CNTN3: variants seen among roughly 807,000 people sequenced by gnomAD.
The protein encoded by CNTN3 is contactin 3.
CNTN3 carries 60 observed loss-of-function variants against 119.1 expected under a neutral mutation model. That is an observed-to-expected ratio of 0.50 (90% confidence interval 0.41 to 0.62). The LOEUF is 0.62. Among genes scored for constraint, CNTN3 ranks in the 20% least tolerant of loss-of-function variants. The pLI is 0.00. For missense variants in CNTN3, 1,101 were observed against 1,242.4 expected, an observed-to-expected ratio of 0.89 and a Z score of 1.71; for synonymous variants, 450 against 438.7, an observed-to-expected ratio of 1.03 and a Z score of -0.32.
chr3:74,596,793 C>G (rs764008685), intron 1 of CNTN3, among the ~76,000 whole-genome samples: 2 of 152,058 alleles, frequency 1.3e-5, no homozygotes, highest in Non-Finnish European at 2.9e-5. Flanking sequence ...TAAAAATGTG[C>G]AATGGACTTG....
intron 13 of CNTN3, among the ~76,000 whole-genome samples, chr3:74,314,258 G>T (rs899295472): frequency 2.0e-5 from 3 of 152,066 alleles, no homozygotes; most frequent in African/African-American, 7.2e-5. Flanking sequence ...CAAAGAACAA[G>T]ATTAAAAAAT....
chr3:74,550,003 A>G (rs1229936192), intron 1 of CNTN3, among the ~76,000 whole-genome samples: 1 of 152,194 alleles, frequency 6.6e-6, no homozygotes, highest in Non-Finnish European at 1.5e-5. Context: ...GATGATTCTG[A>G]CAGAACTGCC....
chr3:74,609,848 C>T (rs1458753642), intron 1 of CNTN3, among the ~76,000 whole-genome samples: 3 of 152,052 alleles, frequency 2.0e-5, no homozygotes, highest in Admixed American at 6.6e-5. Context: ...AAGGTACTTA[C>T]AGAATATAAA....
chr3:74,589,747 C>T (rs1171642480), intron 1 of CNTN3, among the ~76,000 whole-genome samples: 1 of 151,170 alleles, frequency 6.6e-6, no homozygotes. Flanking sequence ...GAAAATGTGG[C>T]ACATATACAC....
At chr3:74,336,822 C>T (rs1000381238) in intron 11 of CNTN3, among the ~76,000 whole-genome samples, 164 bp from the exon 12 acceptor site, 2 of 151,548 alleles carry the variant, frequency 1.3e-5, no homozygotes, top group African/African-American at 4.8e-5. Flanking sequence ...AGAAAATTCA[C>T]CCCTCACTCA....
intron 5 of CNTN3, among the ~76,000 whole-genome samples, chr3:74,379,017 C>T (rs1176535061): frequency 6.6e-6 from 1 of 152,192 alleles, no homozygotes; most frequent in African/African-American, 2.4e-5. Context: ...AGAGATAACA[C>T]TTATCCAAGA....
chr3:74,600,267 A>T (rs2106702571), intron 1 of CNTN3, among the ~76,000 whole-genome samples: 1 of 152,216 alleles, frequency 6.6e-6, no homozygotes, highest in East Asian at 1.9e-4. Flanking sequence ...AACCCTATAG[A>T]TGAAATCCTA....
chr3:74,324,284 T>A (rs1168727661), intron 13 of CNTN3, among the ~76,000 whole-genome samples: 1 of 151,958 alleles, frequency 6.6e-6, no homozygotes, highest in African/African-American at 2.4e-5. Context: ...CAATCTCCGC[T>A]CACTGCAACC....
chr3:74,367,472 GTCTAA>G (rs140247861), intron 8 of CNTN3, among the ~76,000 whole-genome samples: 5,861 of 151,986 alleles, frequency 0.039, 352 homozygotes, highest in African/African-American at 0.13. Context: ...GCACTTAATT[GTCTAA>G]TCTAATTTCT....
intron 1 of CNTN3, among the ~76,000 whole-genome samples, chr3:74,536,641 G>C (rs1703769744): frequency 6.6e-6 from 1 of 152,026 alleles, no homozygotes; most frequent in Non-Finnish European, 1.5e-5. Flanking sequence ...GCAATTTCTG[G>C]TTTGTTCAGA....
At chr3:74,267,413 C>A (rs757783611) in intron 20 of CNTN3, 35 bp from the exon 21 acceptor site, 19 of 1,431,204 alleles carry the variant, frequency 1.3e-5, no homozygotes, top group Non-Finnish European at 1.7e-5. Flanking sequence ...TAAAACAGAT[C>A]GAAGTACAAG....
At chr3:74,554,281 C>T (rs1704037193) in intron 1 of CNTN3, among the ~76,000 whole-genome samples, 1 of 152,130 alleles carries the variant, frequency 6.6e-6, no homozygotes, top group African/African-American at 2.4e-5. Context: ...GTCTATATAT[C>T]TGTTTTGGTA....
At chr3:74,549,004 A>G (rs114116767) in intron 1 of CNTN3, among the ~76,000 whole-genome samples, 4,156 of 152,312 alleles carry the variant, frequency 0.027, 77 homozygotes, top group Admixed American at 0.057. Flanking sequence ...AGAATATCAC[A>G]TTGGTCCATT....
chr3:74,426,329 G>C (rs1236158681), intron 4 of CNTN3, among the ~76,000 whole-genome samples: 1 of 152,126 alleles, frequency 6.6e-6, no homozygotes, highest in African/African-American at 2.4e-5. Flanking sequence ...GCTCTTAAGG[G>C]CTGATATAAA....
rs762516066 is a variant in CNTN3, at chr3:74,486,491, G to A, written c.323C>T (p.Thr108Ile). The A allele has an allele frequency of 1.2e-6, 2 of 1,606,682 alleles. No homozygotes were observed. Among genetic ancestry groups the A allele is most frequent in the East Asian group, 4.5e-5 (2 of 44,660 alleles). The change falls in exon 4 of 23, where the codon ACA becomes ATA. Residue 108 changes from threonine to isoleucine, a missense_variant. Transcript: ENST00000263665. ...YQCFATNSLG[T>I]IVSREAKLQF... The stretch of plus-strand genomic sequence containing the variant: ...AAGTTTGGCTTCTCTGCTGACAATT[G>A]TTCCAAGTGAATTTGTTGCAAAACA...
intron 1 of CNTN3, among the ~76,000 whole-genome samples, chr3:74,604,876 T>C (rs78121773): frequency 0.015 from 2,208 of 152,236 alleles, 51 homozygotes; most frequent in African/African-American, 0.051. Context: ...TTATTCACAA[T>C]AGCCAAGATA....
chr3:74,315,331 T>C (rs1191186014), intron 13 of CNTN3, among the ~76,000 whole-genome samples: 2 of 152,210 alleles, frequency 1.3e-5, no homozygotes, highest in African/African-American at 4.8e-5. Flanking sequence ...CTGCTCTGCC[T>C]ATGGAGTAGC....
At chr3:74,518,938 G>C (rs1703496305) in intron 2 of CNTN3, among the ~76,000 whole-genome samples, 1 of 151,824 alleles carries the variant, frequency 6.6e-6, no homozygotes. Context: ...GTAAGCCATT[G>C]TTCCTGTTTG....
At chr3:74,588,573 A>G (rs2106681647) in intron 1 of CNTN3, among the ~76,000 whole-genome samples, 1 of 152,112 alleles carries the variant, frequency 6.6e-6, no homozygotes, top group African/African-American at 2.4e-5. Context: ...TCAAGCTACC[A>G]ATGACTTTCT....
Sources: gnomAD v4.1 joint callset for allele counts (sites outside exome capture counted in the v4.1 genomes callset) on GRCh38, gnomAD v4.1.1 for gene constraint, MANE v1.5 for transcripts, NCBI Gene and HGNC (gene_info 2026-07-23, HGNC 2026-07-21) for gene names.